Variants in PBXIP1 observed in about 807,000 individuals in gnomAD.
PBXIP1 encodes the protein pre-B-cell leukemia transcription factor-interacting protein 1.
In PBXIP1, 73 loss-of-function variants were observed where a neutral mutation model predicts 73.7. The ratio of observed to expected loss-of-function variants is 0.99; its 90% confidence interval spans 0.82 to 1.20. The LOEUF (loss-of-function observed/expected upper bound fraction) is 1.20. Among genes scored for constraint, PBXIP1 ranks in the 50% most tolerant of loss-of-function variants. The probability of loss-of-function intolerance (pLI) is 0.00; values close to 1 mark genes in which losing one functional copy is unlikely to be tolerated. For missense variants in PBXIP1, 818 were observed against 911.4 expected (o/e 0.90, Z 1.32); for synonymous variants, 330 against 366.9 (o/e 0.90, Z 1.15).
At position 154,951,319 on chromosome 1, in the gene PBXIP1, T is replaced by A. The variant is rs772683731; in HGVS notation, c.322A>T (p.Thr108Ser). 3 of 1,614,070 alleles carry A rather than the reference T, an allele frequency of 1.9e-6. No homozygotes were observed. The highest frequency in any genetic ancestry group is 1.7e-6 in the Non-Finnish European group (2 of 1,179,944). The change falls in exon 5 of 11, where the codon ACC becomes TCC. Residue 108 changes from threonine to serine, a missense_variant. Thr to Ser is a moderately conservative substitution (Grantham distance 58). Coordinates refer to ENST00000368463, the MANE Select transcript of PBXIP1 (RefSeq NM_020524.4). This position sits in a 1 kb window ranked among gnomAD's most constrained non-coding sequence, Gnocchi z 4.3. Reference sequence around the variant, plus strand: ...GGTCCCAGGCCTGTCACCACGGTGGTCTCCTGCAGGTCTCCCTGGACTACT... The same window carrying A: ...GGTCCCAGGCCTGTCACCACGGTGGACTCCTGCAGGTCTCCCTGGACTACT... ...DTVVQGDLQE[T>S]TVVTGLGPDT... is the part of the protein sequence containing the mutation.
rs1654909099 is a variant in PBXIP1 at position 154,948,472 on chromosome 1, T to C, written c.410-106A>G. ...GCACAGGGAGGGAGGTCGTCAGCCC[T>C]GACCCCAGAGAGGGGCACATGAAGA... On this transcript the variant is annotated intron_variant, in intron 5 of 10. Transcript: ENST00000368463. 5 of 794,340 alleles carry C rather than the reference T, an allele frequency of 6.3e-6. No individual in the cohort carries two copies. The South Asian group carries it at 8.9e-5, about 14-fold the overall frequency. The allele number at this position is 794,340 out of a possible 1,614,324, so 49.2% of individuals were successfully genotyped here.
chr1:154,949,296 G>A (rs563586159), intron 5 of PBXIP1, among the ~76,000 whole-genome samples: 102 of 152,044 alleles, frequency 6.7e-4, no homozygotes, highest in Non-Finnish European at 1.0e-3. Context: ...CTCCTGAGTA[G>A]CTGAGACTAT....
In PBXIP1 at chr1:154,945,796, C is replaced by A. The variant is rs753673852; in HGVS notation, c.1878G>T (p.Leu626=). ...ASLLRTYLAR[L]PWAGQLTKEL... is the part of the protein sequence containing the mutation. ...CCTTGGTCAGCTGCCCAGCCCAGGG[C>A]AGCCGTGCCAAGTATGTTCTTAGCA... The change falls in exon 10 of 11, where the codon CTG becomes CTT. Residue 626 remains leucine (L), a synonymous_variant. Transcript: ENST00000368463. 7.4e-6 allele frequency: 12 copies of A among 1,614,224 alleles called. No individual in the cohort carries two copies. The highest frequency in any genetic ancestry group is 4.5e-5 in the East Asian group (2 of 44,886).
rs1308931895 is a variant in PBXIP1, at chr1:154,951,972, G to GCC, written c.52-53_52-52dup. The GCC allele has an allele frequency of 6.4e-7, 1 of 1,565,998 alleles. No individual in the cohort carries two copies. The highest frequency in any genetic ancestry group is 2.1e-5 in the Admixed American group (1 of 47,324). On this transcript the variant is annotated intron_variant, in intron 2 of 10. Transcript: ENST00000368463. This position sits in a 1 kb window ranked among gnomAD's most constrained non-coding sequence, Gnocchi z 4.3. ...GGCTGCACCCAAGAATGGGGCCCCA[G>GCC]CCCACATCCCAGAAACACACACATT...
chr1:154,951,535 C>T lies in PBXIP1; in HGVS notation c.179G>A (p.Gly60Glu). The change falls in exon 4 of 11, where the codon GGG (glycine) becomes GAG (glutamate). Residue 60 changes from glycine to glutamate, a missense_variant and splice_region_variant. Coordinates refer to ENST00000368463, the MANE Select transcript of PBXIP1 (RefSeq NM_020524.4). This position sits in a 1 kb window ranked among gnomAD's most constrained non-coding sequence, Gnocchi z 4.3. ...KELAGTMDGE[G>E]TLFQTESPQS... ...AGGGCTTTCAGTCTGGAAGAGCGTC[C>T]CTGCGGTAGGAGAAAAGGCGCAGAA... The T allele has an allele frequency of 1.2e-6, 2 of 1,612,694 alleles. No individual in the cohort carries two copies. The highest frequency in any genetic ancestry group is 1.7e-6 in the Non-Finnish European group (2 of 1,179,306).
Position 154,951,564 on chromosome 1 carries a change from C to T in PBXIP1, c.179-29G>A, listed in dbSNP as rs1435386196. 3.1e-6 allele frequency: 5 copies of T among 1,603,408 alleles called. No individual in the cohort carries two copies. Among genetic ancestry groups the T allele is most frequent in the African/African-American group, 1.3e-5 (1 of 74,502 alleles). ...CGGTAGGAGAAAAGGCGCAGAAAAA[C>T]CCACTGCCCCAGCTGAATTTCCTTT... On this transcript the variant is annotated intron_variant, in intron 3 of 10. Transcript: ENST00000368463. This position sits in a 1 kb window ranked among gnomAD's most constrained non-coding sequence, Gnocchi z 4.3.
chr1:154,947,644 G>T lies in PBXIP1; in HGVS notation c.736C>A (p.Gln246Lys), dbSNP rs2101984501. 1.2e-6 allele frequency: 2 copies of T among 1,613,854 alleles called. No homozygotes were observed. Among genetic ancestry groups the T allele is most frequent in the Non-Finnish European group, 1.7e-6 (2 of 1,179,906 alleles). ...PEVLEAVGDR[Q>K]DGLREQLQAP... ...CCTCTGGAGACATTCACACATACCT[G>T]CCTGTCCCCCACAGCTTCCAGCACC... Residue 246 changes from glutamine (Q) to lysine (K), a missense_variant and splice_region_variant, in exon 8 of 11, where the codon CAG (glutamine) becomes AAG (lysine). By Grantham distance (53) the Gln-to-Lys change is moderately conservative (BLOSUM62 1). Coordinates refer to ENST00000368463, the MANE Select transcript of PBXIP1 (RefSeq NM_020524.4).
chr1:154,946,874 C>T (rs1425318463), intron 9 of PBXIP1, 71 bp from the exon 10 acceptor site: 7 of 1,412,534 alleles, frequency 5.0e-6, no homozygotes, highest in Non-Finnish European at 6.7e-6. Flanking sequence ...CCTTCTACCC[C>T]AATTCCATTC....
At position 154,951,844 on chromosome 1, in the gene PBXIP1, G is replaced by T. The variant is rs753146471; in HGVS notation, c.129C>A (p.Ser43Arg). The T allele has an allele frequency of 6.2e-7, 1 of 1,613,792 alleles. No individual in the cohort carries two copies. Residue 43 changes from serine (S) to arginine (R), a missense_variant, in exon 3 of 11, where the codon AGC becomes AGA. Physicochemically the swap from Ser to Arg is moderately radical, Grantham distance 110 (BLOSUM62 -1). Transcript: ENST00000368463. The surrounding 1 kb of genome is among the most constrained non-coding windows in gnomAD (Gnocchi z 4.3). ...ESERALQAPH[S>R]PSKTDGKELA... is the part of the protein sequence containing the mutation. ...ATTCTTTCCCATCTGTCTTGGAGGG[G>T]CTGTGAGGGGCCTGCAGGGCTCTCT...
At position 154,946,554 on chromosome 1, in the gene PBXIP1, G is replaced by A. The variant is rs1162645739; in HGVS notation, c.1120C>T (p.Gln374Ter). 1 of 1,612,546 alleles carries A rather than the reference G, an allele frequency of 6.2e-7. No individual in the cohort carries two copies. Reference sequence around the variant, plus strand: ...TTCAGGAAGCTGAGTTCTGGCTCCTGCTCCCTGGGGCCTTGCTCCCTGATG... The same window carrying A: ...TTCAGGAAGCTGAGTTCTGGCTCCTACTCCCTGGGGCCTTGCTCCCTGATG... ...KAIREQGPREQEPELSFLKQK... is the reference protein window; with the variant it reads ...KAIREQGPRE Residue 374 changes from glutamine (Q) to a stop codon, truncating the protein, a stop_gained, in exon 10 of 11, where the codon CAG becomes TAG. Transcript: ENST00000368463. LOFTEE classifies it high-confidence loss of function.
At chr1:154,955,187 T>A (rs1655138133) in intron 1 of PBXIP1, among the ~76,000 whole-genome samples, 1 of 152,172 alleles carries the variant, frequency 6.6e-6, no homozygotes, top group African/African-American at 2.4e-5. Flanking sequence ...TCTGTAAGTA[T>A]CCATAGAGCC....
chr1:154,948,445 A>G, intron 5 of PBXIP1, 79 bp from the exon 6 acceptor site: 1 of 1,054,956 alleles, frequency 9.5e-7, no homozygotes, highest in Non-Finnish European at 1.4e-6. Flanking sequence ...AATCAGAGGA[A>G]GGCACAGGGA....
rs1321891145 is a variant in PBXIP1, at chr1:154,948,274, C to T, written c.502G>A (p.Gly168Ser). The part of the protein sequence containing the change: ...GLRRRRGREA[G>S]PPQPMVPLAV... ...AGGGGCACCATGGGCTGAGGTGGGCCGGCCTCCCGGCCCCGCCGTCTCCGC... is the reference window on the plus strand; with the variant it reads ...AGGGGCACCATGGGCTGAGGTGGGCTGGCCTCCCGGCCCCGCCGTCTCCGC... The change falls in exon 6 of 11, where the codon GGC becomes AGC. Residue 168 changes from glycine to serine, a missense_variant. Physicochemically the swap from Gly to Ser is moderately conservative, Grantham distance 56 (BLOSUM62 0). Coordinates refer to ENST00000368463, the MANE Select transcript of PBXIP1 (RefSeq NM_020524.4). The T allele has an allele frequency of 5.0e-6, 8 of 1,610,088 alleles. No individual in the cohort carries two copies. The highest frequency in any genetic ancestry group is 2.2e-5 in the East Asian group (1 of 44,702).
rs140265900 is a variant in PBXIP1 at position 154,946,521 on chromosome 1, C to T, written c.1153G>A (p.Glu385Lys). The change falls in exon 10 of 11, where the codon GAA (glutamate) becomes AAA (lysine). Residue 385 changes from glutamate (E) to lysine (K), a missense_variant. Coordinates refer to ENST00000368463, the MANE Select transcript of PBXIP1 (RefSeq NM_020524.4). ...EPELSFLKQK[E>K]QLEAEAQALR... ...GCCTGTGCCTCAGCCTCCAGCTGTT[C>T]CTTCTGCTTCAGGAAGCTGAGTTCT... 3 of 1,610,914 alleles carry T rather than the reference C, an allele frequency of 1.9e-6. No homozygotes were observed. The highest frequency in any genetic ancestry group is 4.5e-5 in the East Asian group (2 of 44,886).
At position 154,945,904 on chromosome 1, in the gene PBXIP1, A is replaced by C; in HGVS notation, c.1770T>G (p.Gly590=). 1 of 1,614,134 alleles carries C rather than the reference A, an allele frequency of 6.2e-7. No individual in the cohort carries two copies. The highest frequency in any genetic ancestry group is 8.5e-7 in the Non-Finnish European group (1 of 1,179,978). ...CCTCCTGCCGGGCACACTCGTCCAC[A>C]CCTGAGCAGCCCTGGGGTGCCCGGT... ...PKYRAPQGCS[G]VDECARQEGL... is the part of the protein sequence containing the mutation. Residue 590 remains glycine, a synonymous_variant, in exon 10 of 11, where the codon GGT becomes GGG. Transcript: ENST00000368463.
intron 9 of PBXIP1, 125 bp downstream of exon 9, chr1:154,947,292 T>C (rs1485129406): frequency 1.7e-6 from 2 of 1,167,860 alleles, no homozygotes; most frequent in East Asian, 2.4e-5. Context: ...GCCCTGACTA[T>C]AGTGGGAGAG....
At chr1:154,948,457 G>A (rs910786685) in intron 5 of PBXIP1, 91 bp from the exon 6 acceptor site, 6 of 960,438 alleles carry the variant, frequency 6.2e-6, no homozygotes, top group Non-Finnish European at 9.2e-6. Context: ...GCACAGGGAG[G>A]GAGGTCGTCA....
chr1:154,953,549 C>G (rs1655076161), intron 2 of PBXIP1, 122 bp downstream of exon 2: 2 of 642,720 alleles, frequency 3.1e-6, no homozygotes, highest in Non-Finnish European at 5.6e-6. Context: ...CTCTAACAGC[C>G]AGCAGGAAGT....
rs1252184483 is a variant in PBXIP1, at chr1:154,945,046, T to C, written c.2174A>G (p.His725Arg). The C allele has an allele frequency of 6.2e-7, 1 of 1,613,924 alleles. No individual in the cohort carries two copies. The highest frequency in any genetic ancestry group is 1.7e-5 in the Admixed American group (1 of 60,026). Reference sequence around the variant, plus strand: ...GTGTCAGCCCCGGTGGTGGTGGTGGTGGCTATGGCTGTGCCCCTCCCTGGG... The same window carrying C: ...GTGTCAGCCCCGGTGGTGGTGGTGGCGGCTATGGCTGTGCCCCTCCCTGGG... Reference protein sequence around the residue: ...AGPREGHSHSHHHHHRG With the variant: ...AGPREGHSHSRHHHHRG Residue 725 changes from histidine to arginine, a missense_variant, in exon 11 of 11, where the codon CAC becomes CGC. His to Arg is a conservative substitution (Grantham distance 29, BLOSUM62 0). Transcript: ENST00000368463.
Sources: gnomAD v4.1 joint callset for allele counts (sites outside exome capture counted in the v4.1 genomes callset) on GRCh38, gnomAD v4.1.1 for gene constraint, Gnocchi (gnomAD v3.1) non-coding constraint, MANE v1.5 for transcripts, NCBI Gene and HGNC (gene_info 2026-07-23, HGNC 2026-07-21) for gene names.